Variants in SEMA6D observed in about 807,000 individuals in gnomAD.
SEMA6D encodes semaphorin 6D, also known as semaphorin-6D.
A neutral mutation model predicts 106.6 loss-of-function variants in SEMA6D; 35 were observed. The observed-to-expected ratio is 0.33, with a 90% confidence interval of 0.25 to 0.44. SEMA6D has a LOEUF of 0.44. Ranked by LOEUF, SEMA6D falls within the 20% of genes least tolerant of loss-of-function variation. The probability of loss-of-function intolerance (pLI) is 1.00; values close to 1 mark genes in which losing one functional copy is unlikely to be tolerated. For synonymous variants in SEMA6D, 499 were observed against 487.7 expected (o/e 1.02, Z -0.31); for missense variants, 1,185 against 1,345.9 (o/e 0.88, Z 1.87).
At chr15:47,195,567 A>G (rs1894282849) in intron 1 of SEMA6D, among the ~76,000 whole-genome samples, 1 of 152,140 alleles carries the variant, frequency 6.6e-6, no homozygotes, top group Non-Finnish European at 1.5e-5. Flanking sequence ...TGTGTATTTT[A>G]CCATGGTCTT....
At chr15:47,714,596 A>C (rs768362208), upstream of SEMA6D, among the ~76,000 whole-genome samples, 4 of 152,224 alleles carry the variant, frequency 2.6e-5, no homozygotes, top group Non-Finnish European at 4.4e-5. Context: ...ATGTATGTAG[A>C]TAATGTTTAA....
At chr15:47,392,339 A>T (rs139543402) in intron 1 of SEMA6D, among the ~76,000 whole-genome samples, 186 of 152,270 alleles carry the variant, frequency 1.2e-3, no homozygotes, top group African/African-American at 4.4e-3. Context: ...GGCAGAAGGG[A>T]CTTTGAAGAT....
chr15:47,544,085 T>G (rs1195084327), intron 3 of SEMA6D, among the ~76,000 whole-genome samples: 3 of 152,166 alleles, frequency 2.0e-5, no homozygotes, highest in Admixed American at 2.0e-4. Flanking sequence ...AAAAGTAGGC[T>G]TAAGGCTAAA....
intron 1 of SEMA6D, among the ~76,000 whole-genome samples, chr15:47,738,962 A>G (rs1045897996): frequency 3.9e-5 from 6 of 152,070 alleles, no homozygotes; most frequent in African/African-American, 1.4e-4. Context: ...TCCTCTCCCT[A>G]TGGGCCACTT....
intron 3 of SEMA6D, chr15:47,525,336 C>T (rs1197432620): frequency 6.6e-6 from 1 of 152,202 alleles, no homozygotes; most frequent in Non-Finnish European, 1.5e-5. Flanking sequence ...ACAACTGCTT[C>T]ATCATGAGAC....
At chr15:47,592,488 AT>A (rs1476142932) in intron 3 of SEMA6D, among the ~76,000 whole-genome samples, 1 of 152,000 alleles carries the variant, frequency 6.6e-6, no homozygotes, top group East Asian at 1.9e-4. Context: ...AGGCAGACCC[AT>A]TTTCCTCAAT....
At chr15:47,514,465 C>T (rs2141836118) in intron 3 of SEMA6D, among the ~76,000 whole-genome samples, 1 of 152,312 alleles carries the variant, frequency 6.6e-6, no homozygotes, top group African/African-American at 2.4e-5. Flanking sequence ...AACCTACCTC[C>T]CAAACCATGT....
In SEMA6D at chr15:47,355,107, G is replaced by A. The variant is rs371368231; in HGVS notation, c.-238-57286G>A. On this transcript the variant is annotated intron_variant, in intron 1 of 19. Transcript: ENST00000558014. The stretch of plus-strand genomic sequence containing the variant: ...AGTTCTGTGTTCTGAAATTATTTGC[G>A]TCAGAGGTCTAACTTGATGTTCAAG... 3.9e-4 allele frequency among the ~76,000 whole-genome samples: 59 copies of A among 152,096 alleles called. 1 individual carries two copies. The highest frequency in any genetic ancestry group is 3.7e-3 in the South Asian group (18 of 4,822).
intron 4 of SEMA6D, among the ~76,000 whole-genome samples, chr15:47,669,095 T>C (rs991901449): frequency 3.9e-5 from 6 of 152,128 alleles, no homozygotes; most frequent in African/African-American, 1.4e-4. Flanking sequence ...TGGCTAATGA[T>C]TTGAAGGGAA....
chr15:47,526,839 C>A (rs796846854), intron 3 of SEMA6D, among the ~76,000 whole-genome samples: 1 of 152,182 alleles, frequency 6.6e-6, no homozygotes, highest in East Asian at 1.9e-4. Context: ...CGGGTTCAAG[C>A]GATTCTCCTG....
chr15:47,601,923 A>G (rs1189077572), intron 4 of SEMA6D, among the ~76,000 whole-genome samples: 1 of 152,178 alleles, frequency 6.6e-6, no homozygotes, highest in Non-Finnish European at 1.5e-5. Flanking sequence ...TTCATTATGT[A>G]TTGTATGCTT....
chr15:47,644,050 A>G (rs1287202008), intron 4 of SEMA6D, among the ~76,000 whole-genome samples: 3 of 152,144 alleles, frequency 2.0e-5, no homozygotes, highest in South Asian at 4.1e-4. Context: ...ATCCCTGGCT[A>G]TATACCTGGG....
At chr15:47,636,343 C>A (rs927651784) in intron 4 of SEMA6D, among the ~76,000 whole-genome samples, 1 of 152,144 alleles carries the variant, frequency 6.6e-6, no homozygotes, top group African/African-American at 2.4e-5. Flanking sequence ...CATGGCTGAA[C>A]CAGTGTACAA....
chr15:47,542,880 A>G (rs756953311), intron 3 of SEMA6D, among the ~76,000 whole-genome samples: 4 of 152,090 alleles, frequency 2.6e-5, no homozygotes, highest in Non-Finnish European at 5.9e-5. Context: ...TGCTCTTCCT[A>G]GCAATGACTG....
chr15:47,209,959 A>G (rs1251806339), intron 1 of SEMA6D, among the ~76,000 whole-genome samples: 3 of 152,214 alleles, frequency 2.0e-5, no homozygotes, highest in African/African-American at 4.8e-5. Context: ...TTTTTGTCCT[A>G]AATAAAAGAA....
intron 1 of SEMA6D, among the ~76,000 whole-genome samples, chr15:47,350,154 T>G (rs979196048): frequency 1.7e-5 from 1 of 59,196 alleles, no homozygotes; most frequent in Non-Finnish European, 6.3e-5. Flanking sequence ...TCTACTAATT[T>G]CAAATCAAGT....
chr15:47,690,952 C>T (rs1282683706), intron 4 of SEMA6D, among the ~76,000 whole-genome samples: 2 of 152,166 alleles, frequency 1.3e-5, no homozygotes, highest in Non-Finnish European at 1.5e-5. Flanking sequence ...TCATCTGGAA[C>T]TGTTCCTCAT....
chr15:47,711,309 CAAAAAAAAAA>C (rs10672105), intron 4 of SEMA6D, among the ~76,000 whole-genome samples: 7 of 97,816 alleles, frequency 7.2e-5, no homozygotes, highest in African/African-American at 2.5e-4. Context: ...GACTCCGTCT[CAAAAAAAAAA>C]AAAAAAAAAA....
chr15:47,487,434 A>G (rs2043329636), intron 3 of SEMA6D, among the ~76,000 whole-genome samples: 1 of 152,236 alleles, frequency 6.6e-6, no homozygotes, highest in South Asian at 2.1e-4. Flanking sequence ...ATACATGTAT[A>G]GTTACATCTG....
Sources: gnomAD v4.1 joint callset for allele counts (sites outside exome capture counted in the v4.1 genomes callset) on GRCh38, gnomAD v4.1.1 for gene constraint, MANE v1.5 for transcripts, NCBI Gene and HGNC (gene_info 2026-07-23, HGNC 2026-07-21) for gene names.